NRP2: variants seen among roughly 807,000 people sequenced by gnomAD.
The protein encoded by NRP2 is neuropilin-2.
NRP2 carries 52 observed loss-of-function variants against 110.4 expected under a neutral mutation model. That is an observed-to-expected ratio of 0.47 (90% CI 0.38 to 0.59). The LOEUF (loss-of-function observed/expected upper bound fraction) is 0.59, where lower values mean the gene tolerates loss of function less well. NRP2 is among the 20% of genes least tolerant of loss of function. The pLI is 0.00. For missense variants in NRP2, 1,049 were observed against 1,203.0 expected (o/e 0.87, Z 1.89); for synonymous variants, 508 against 468.9 (o/e 1.08, Z -1.08).
intron 1 of NRP2, among the ~76,000 whole-genome samples, chr2:205,694,442 G>T (rs1174794097): frequency 1.3e-5 from 2 of 152,160 alleles, no homozygotes; most frequent in Non-Finnish European, 2.9e-5. Context: ...TCCAAGCCTG[G>T]ATTTTGCTAT....
chr2:205,728,144 T>G, intron 7 of NRP2, 98 bp downstream of exon 7: 1 of 1,399,084 alleles, frequency 7.1e-7, no homozygotes, highest in East Asian at 2.3e-5. Flanking sequence ...GAGAGGGCCT[T>G]GTGTAGTCAG....
chr2:205,754,193 A>T (rs1440007747), intron 12 of NRP2, among the ~76,000 whole-genome samples: 1 of 152,158 alleles, frequency 6.6e-6, no homozygotes, highest in East Asian at 1.9e-4. Flanking sequence ...GAAATTTAGT[A>T]GATCAGTTTG....
chr2:205,695,300 G>A (rs921252238), intron 1 of NRP2, among the ~76,000 whole-genome samples: 1 of 152,144 alleles, frequency 6.6e-6, no homozygotes, highest in Non-Finnish European at 1.5e-5. Flanking sequence ...TAATTTTTTT[G>A]TGTGGTGGTG....
intron 8 of NRP2, 78 bp downstream of exon 8, chr2:205,740,741 C>T: frequency 2.0e-6 from 3 of 1,523,416 alleles, no homozygotes; most frequent in Non-Finnish European, 2.7e-6. Flanking sequence ...CTGCAAACAG[C>T]ATGACTGCAC....
At position 205,746,170 on chromosome 2, in the gene NRP2, T is replaced by G. The variant is rs572061964; in HGVS notation, c.1786+280T>G. On this transcript the variant is annotated intron_variant, in intron 10 of 16. Coordinates refer to ENST00000357785, the MANE Select transcript of NRP2 (RefSeq NM_003872.3). ...CATAACCACACACCACCCACCCAAA[T>G]TCAATTAGACCCTGGCTCTTCAGGC... 2.0e-5 allele frequency among the ~76,000 whole-genome samples: 3 copies of G among 152,286 alleles called. No homozygotes were observed. In the East Asian group the frequency reaches 5.8e-4, roughly 29 times the overall value.
At chr2:205,793,213 G>T (rs185719186) in intron 16 of NRP2, among the ~76,000 whole-genome samples, 137 of 152,262 alleles carry the variant, frequency 9.0e-4, no homozygotes, top group Middle Eastern at 3.4e-3. Flanking sequence ...AGGCAGAGGC[G>T]CACTGGAATG....
At chr2:205,716,902 C>G (rs1336477367) in intron 3 of NRP2, among the ~76,000 whole-genome samples, 2 of 152,266 alleles carry the variant, frequency 1.3e-5, no homozygotes, top group Non-Finnish European at 2.9e-5. Flanking sequence ...ATGTTACCAC[C>G]TCTGTCCATT....
rs1381917846 is a variant in NRP2, at chr2:205,697,614, C to A, written c.144C>A (p.Asp48Glu). The change falls in exon 2 of 17, where the codon GAC becomes GAA. Residue 48 changes from aspartate to glutamate, a missense_variant. Coordinates refer to ENST00000357785, the MANE Select transcript of NRP2 (RefSeq NM_003872.3). ...TCACCTCTCCCGGTTACCCCCAGGA[C>A]TACCCCTCCCACCAGAACTGCGAGT... ...GYITSPGYPQ[D>E]YPSHQNCEWI... 6.2e-7 allele frequency: 1 copy of A among 1,614,020 alleles called. No homozygotes were observed. Among genetic ancestry groups the A allele is most frequent in the Admixed American group, 1.7e-5 (1 of 60,014 alleles).
chr2:205,794,724 G>A (rs376023817), intron 16 of NRP2, 30 bp from the exon 17 acceptor site: 78 of 1,612,306 alleles, frequency 4.8e-5, no homozygotes, highest in Non-Finnish European at 6.4e-5. Flanking sequence ...GGCAGTGCCT[G>A]CAATCTCTCA....
chr2:205,747,371 A>G (rs2057556930), intron 10 of NRP2, among the ~76,000 whole-genome samples: 2 of 152,282 alleles, frequency 1.3e-5, no homozygotes, highest in South Asian at 2.1e-4. Context: ...TGAAAAATGG[A>G]GAGGACAATA....
intron 8 of NRP2, 148 bp from the exon 9 acceptor site, chr2:205,743,055 A>G (rs894592388): frequency 6.1e-6 from 9 of 1,479,918 alleles, no homozygotes; most frequent in Non-Finnish European, 8.3e-6. Flanking sequence ...TCTTAACCAC[A>G]GTGCTGTACA....
intron 1 of NRP2, among the ~76,000 whole-genome samples, chr2:205,687,910 G>C (rs1037610254): frequency 2.0e-5 from 3 of 152,190 alleles, no homozygotes; most frequent in African/African-American, 7.2e-5. Flanking sequence ...AGTGAGGAGA[G>C]ACACCAGGGA....
intron 8 of NRP2, among the ~76,000 whole-genome samples, chr2:205,742,600 C>T (rs1172087857): frequency 6.6e-6 from 1 of 152,094 alleles, no homozygotes; most frequent in Non-Finnish European, 1.5e-5. Flanking sequence ...GGGAAGGATC[C>T]AAGGCAGTAA....
chr2:205,704,927 C>G (rs1385809056), intron 2 of NRP2, among the ~76,000 whole-genome samples: 19 of 152,238 alleles, frequency 1.2e-4, no homozygotes, highest in South Asian at 4.1e-4. Context: ...GGCTGAGAGT[C>G]TGTCTTAAGA....
rs1032783659 is a variant in NRP2, at chr2:205,686,616, G to T, written c.73+3253G>T. 6.6e-6 allele frequency among the ~76,000 whole-genome samples: 1 copy of T among 152,212 alleles called. No homozygotes were observed. The highest frequency in any genetic ancestry group is 6.5e-5 in the Admixed American group (1 of 15,288). On this transcript the variant is annotated intron_variant, in intron 1 of 16. Coordinates refer to ENST00000357785, the MANE Select transcript of NRP2 (RefSeq NM_003872.3). This position sits in a 1 kb window ranked among gnomAD's most constrained non-coding sequence, Gnocchi z 4.7. ...CGGTAGCCCTAGTGTTTGGAGGTGG[G>T]GGAGGGATTTGGAATAGACTTGTCG... is the stretch of plus-strand genomic sequence containing the variant.
chr2:205,687,147 C>A (rs2056189223), intron 1 of NRP2, among the ~76,000 whole-genome samples: 2 of 152,150 alleles, frequency 1.3e-5, no homozygotes, highest in East Asian at 1.9e-4. Context: ...CGCGCAGATT[C>A]TCGGTCAATT....
At chr2:205,746,025 C>T (rs2057532353) in intron 10 of NRP2, 135 bp downstream of exon 10, 3 of 977,028 alleles carry the variant, frequency 3.1e-6, no homozygotes, top group Non-Finnish European at 4.8e-6. Flanking sequence ...CTGCCATGTT[C>T]TCCTGCCTCA....
chr2:205,745,406 C>A (rs191439067), intron 9 of NRP2, among the ~76,000 whole-genome samples: 2 of 152,186 alleles, frequency 1.3e-5, no homozygotes, highest in African/African-American at 4.8e-5. Context: ...GCCTTCCCCC[C>A]TCTCTAGCCA....
rs2057518090 is a variant in NRP2, at chr2:205,745,305, T to A, written c.1642-441T>A. On this transcript the variant is annotated intron_variant, in intron 9 of 16. Coordinates refer to ENST00000357785, the MANE Select transcript of NRP2 (RefSeq NM_003872.3). ...GCTAGGAACTATCAGTCAGCTTGGG[T>A]TACCTCAATGGAGGCTTTCACACAT... 2.0e-5 allele frequency among the ~76,000 whole-genome samples: 3 copies of A among 152,180 alleles called. No individual in the cohort carries two copies. The South Asian group carries it at 6.2e-4, about 31-fold the overall frequency.
Sources: gnomAD v4.1 joint callset for allele counts (sites outside exome capture counted in the v4.1 genomes callset) on GRCh38, gnomAD v4.1.1 for gene constraint, Gnocchi (gnomAD v3.1) non-coding constraint, MANE v1.5 for transcripts, NCBI Gene and HGNC (gene_info 2026-07-23, HGNC 2026-07-21) for gene names.